The following CNTN5 variants were observed in gnomAD, a reference collection of about 807,000 sequenced individuals.
CNTN5 encodes the protein contactin-5.
In CNTN5, 77 loss-of-function variants were observed where a neutral mutation model predicts 129.1. That is an observed-to-expected ratio of 0.60 (90% CI 0.50 to 0.72). The LOEUF (loss-of-function observed/expected upper bound fraction) is 0.72. CNTN5 is among the 30% of genes least tolerant of loss of function. CNTN5 has a pLI of 0.00. For synonymous variants in CNTN5, 509 were observed against 465.6 expected (o/e 1.09, Z -1.20); for missense variants, 1,478 against 1,328.8 (o/e 1.11, Z -1.75).
chr11:99,825,387 GATA>G (rs570066411), intron 4 of CNTN5, among the ~76,000 whole-genome samples: 1 of 151,780 alleles, frequency 6.6e-6, no homozygotes, highest in Non-Finnish European at 1.5e-5. Context: ...AACATTATTT[GATA>G]ATTTTGTTGT....
chr11:99,557,173 A>C (rs2135540381), intron 3 of CNTN5, among the ~76,000 whole-genome samples: 1 of 151,328 alleles, frequency 6.6e-6, no homozygotes, highest in South Asian at 2.1e-4. Flanking sequence ...TACTAAATAT[A>C]TTTTTAAAGC....
intron 3 of CNTN5, among the ~76,000 whole-genome samples, chr11:99,595,905 G>T (rs1400204717): frequency 9.2e-5 from 14 of 151,996 alleles, no homozygotes; most frequent in African/African-American, 3.4e-4. Context: ...TGTGCTTCAA[G>T]TCTAAGTCCC....
chr11:99,907,376 C>G (rs1002761751), intron 6 of CNTN5, among the ~76,000 whole-genome samples: 1 of 152,004 alleles, frequency 6.6e-6, no homozygotes, highest in Non-Finnish European at 1.5e-5. Context: ...GCTCTTCAAA[C>G]TGCAGAGCAC....
At chr11:100,247,368 C>T (rs139877706) in intron 16 of CNTN5, among the ~76,000 whole-genome samples, 1 of 152,240 alleles carries the variant, frequency 6.6e-6, no homozygotes, top group African/African-American at 2.4e-5. Flanking sequence ...GAAAGTATAA[C>T]TGTTTGTTTC....
intron 1 of CNTN5, among the ~76,000 whole-genome samples, chr11:99,260,734 T>C (rs548035174): frequency 6.6e-6 from 1 of 152,008 alleles, no homozygotes; most frequent in Non-Finnish European, 1.5e-5. Flanking sequence ...ATTCACATAT[T>C]CCCAATTACT....
chr11:99,416,302 A>G (rs1464787804), intron 2 of CNTN5, among the ~76,000 whole-genome samples: 1 of 151,870 alleles, frequency 6.6e-6, no homozygotes, highest in Non-Finnish European at 1.5e-5. Flanking sequence ...TTTTGAGACA[A>G]GGTTTTGTTC....
chr11:100,124,630 T>A (rs1946126856), intron 13 of CNTN5, among the ~76,000 whole-genome samples: 1 of 152,058 alleles, frequency 6.6e-6, no homozygotes, highest in Non-Finnish European at 1.5e-5. Context: ...GTATTGTGAT[T>A]TAGTATAAAC....
intron 3 of CNTN5, among the ~76,000 whole-genome samples, chr11:99,705,094 A>G (rs1275697998): frequency 6.6e-6 from 1 of 151,412 alleles, no homozygotes; most frequent in Admixed American, 6.6e-5. Context: ...TTCTGGCTTC[A>G]TTAACTGCCC....
At chr11:99,430,919 G>A (rs2135102848) in intron 2 of CNTN5, among the ~76,000 whole-genome samples, 1 of 151,712 alleles carries the variant, frequency 6.6e-6, no homozygotes, top group African/African-American at 2.4e-5. Context: ...GAGGTAGCTT[G>A]GTTAGTAAAA....
chr11:99,210,721 T>G (rs910095181), intron 1 of CNTN5, among the ~76,000 whole-genome samples: 5 of 152,148 alleles, frequency 3.3e-5, no homozygotes, highest in Non-Finnish European at 7.4e-5. Context: ...GTAAATGTTA[T>G]GTTTAGCTGT....
intron 2 of CNTN5, among the ~76,000 whole-genome samples, chr11:99,490,120 G>A (rs950687970): frequency 6.6e-6 from 1 of 151,938 alleles, no homozygotes; most frequent in Non-Finnish European, 1.5e-5. Context: ...AAAATGTATT[G>A]GGGACTTATA....
rs1946107318 is a variant in CNTN5, at chr11:100,124,072, T to C, written c.1580+49778T>C. Among the ~76,000 whole-genome samples, 2 of 152,082 alleles carry C rather than the reference T, an allele frequency of 1.3e-5. 1 individual carries two copies. The highest frequency in any genetic ancestry group is 1.3e-4 in the Admixed American group (2 of 15,252). ...TTTGTGTTTACCATGCACCAGGTAC[T>C]GTGCTAAGCACTTTATGGTCAATAT... On this transcript the variant is annotated intron_variant, in intron 13 of 24. Coordinates refer to ENST00000524871, the MANE Select transcript of CNTN5 (RefSeq NM_014361.4).
intron 2 of CNTN5, among the ~76,000 whole-genome samples, chr11:99,520,682 G>A (rs983021510): frequency 2.6e-5 from 4 of 152,060 alleles, no homozygotes; most frequent in Non-Finnish European, 4.4e-5. Context: ...AGGGAAGGTA[G>A]GAGTGTTAGT....
intron 2 of CNTN5, among the ~76,000 whole-genome samples, chr11:99,508,456 C>T (rs952258242): frequency 2.0e-5 from 3 of 152,004 alleles, no homozygotes; most frequent in Non-Finnish European, 2.9e-5. Context: ...CTGAGTACAC[C>T]GATGCAGAGC....
At chr11:99,306,339 G>C (rs949045430) in intron 1 of CNTN5, among the ~76,000 whole-genome samples, 1 of 151,972 alleles carries the variant, frequency 6.6e-6, no homozygotes. Context: ...TTATCTTTTA[G>C]GGTTATTGTG....
intron 1 of CNTN5, among the ~76,000 whole-genome samples, chr11:99,042,365 C>CTTTTTTTTTTTT (rs1210153589): frequency 7.2e-5 from 6 of 83,798 alleles, no homozygotes; most frequent in Admixed American, 1.5e-4. Context: ...TCTTCTTCTT[C>CTTTTTTTTTTTT]TTTTTTTTTT....
intron 1 of CNTN5, among the ~76,000 whole-genome samples, chr11:99,151,486 A>G (rs1436446402): frequency 6.6e-6 from 1 of 152,228 alleles, no homozygotes; most frequent in African/African-American, 2.4e-5. Flanking sequence ...AAAGATAGAC[A>G]ATAGTGTGAA....
At chr11:99,989,728 T>G (rs770215188) in intron 8 of CNTN5, among the ~76,000 whole-genome samples, 6 of 152,184 alleles carry the variant, frequency 3.9e-5, no homozygotes, top group African/African-American at 7.2e-5. Flanking sequence ...AAAGTAAATA[T>G]TTAACCCTTT....
In CNTN5 at chr11:99,856,101, A is replaced by G. The variant is rs1230058285; in HGVS notation, c.577+10839A>G. On this transcript the variant is annotated intron_variant, in intron 6 of 24. Coordinates refer to ENST00000524871, the MANE Select transcript of CNTN5 (RefSeq NM_014361.4). ...CTCACTAATTACCTACGTGTTGTGC[A>G]GAAGGGCTTTAGCACCTGTGAATTC... is the stretch of plus-strand genomic sequence containing the variant. Among the ~76,000 whole-genome samples the G allele has an allele frequency of 3.3e-5, 5 of 152,194 alleles. No individual in the cohort carries two copies. In the East Asian group the frequency reaches 7.7e-4, roughly 23 times the overall value.
Sources: allele counts gnomAD v4.1 joint callset (sites outside exome capture counted in the v4.1 genomes callset), GRCh38; gene constraint gnomAD v4.1.1; transcripts MANE v1.5; gene names NCBI Gene and HGNC (gene_info 2026-07-23, HGNC 2026-07-21).